CDH8: variants seen among roughly 807,000 people sequenced by gnomAD.
CDH8 encodes cadherin 8, also known as cadherin-8.
CDH8 carries 17 observed loss-of-function variants against 68.1 expected under a neutral mutation model. That is an observed-to-expected ratio of 0.25 (90% CI 0.17 to 0.37). CDH8 has a LOEUF of 0.37. Ranked by LOEUF, CDH8 falls within the 10% of genes least tolerant of loss-of-function variation. The probability of loss-of-function intolerance (pLI) is 1.00; values close to 1 mark genes in which losing one functional copy is unlikely to be tolerated. For synonymous variants in CDH8, 372 were observed against 365.1 expected, an observed-to-expected ratio of 1.02 and a Z score of -0.21; for missense variants, 763 against 999.3, an observed-to-expected ratio of 0.76 and a Z score of 3.19.
intron 2 of CDH8, among the ~76,000 whole-genome samples, chr16:61,968,479 A>G (rs928636564): frequency 2.0e-5 from 3 of 152,190 alleles, no homozygotes; most frequent in African/African-American, 7.2e-5. Context: ...CTGCAATCAC[A>G]ATCCTCTCCA....
At chr16:61,686,476 G>A (rs902049372) in intron 10 of CDH8, among the ~76,000 whole-genome samples, 3 of 151,796 alleles carry the variant, frequency 2.0e-5, no homozygotes, top group East Asian at 3.9e-4. Context: ...TGTTCAAGTG[G>A]TACTTTTTAA....
chr16:61,823,087 G>A (rs1962251579), intron 5 of CDH8, among the ~76,000 whole-genome samples: 2 of 151,892 alleles, frequency 1.3e-5, no homozygotes. Context: ...AAGAAATGGT[G>A]TTCTCCATTT....
intron 3 of CDH8, among the ~76,000 whole-genome samples, chr16:61,874,489 G>A (rs1399886551): frequency 2.0e-5 from 3 of 151,666 alleles, no homozygotes; most frequent in African/African-American, 4.8e-5. Context: ...CCACCACCAC[G>A]CCCAGCTAAT....
intron 3 of CDH8, among the ~76,000 whole-genome samples, chr16:61,868,491 G>A (rs935447290): frequency 6.6e-5 from 10 of 152,052 alleles, no homozygotes; most frequent in Admixed American, 6.6e-4. Context: ...ACTCTTAAAA[G>A]GGTAGTCATG....
intron 2 of CDH8, among the ~76,000 whole-genome samples, chr16:61,984,389 T>G (rs372833067): frequency 1.2e-4 from 18 of 152,036 alleles, no homozygotes; most frequent in African/African-American, 4.3e-4. Flanking sequence ...GTGAGTTGAG[T>G]ATTTTTTTGT....
intron 10 of CDH8, among the ~76,000 whole-genome samples, chr16:61,665,588 T>G (rs8057048): frequency 0.011 from 1,646 of 151,970 alleles, 18 homozygotes; most frequent in Middle Eastern, 0.082. Flanking sequence ...GGTTGATGGG[T>G]GCAGCAAACC....
intron 6 of CDH8, among the ~76,000 whole-genome samples, chr16:61,818,582 T>G (rs970241749): frequency 6.6e-6 from 1 of 152,176 alleles, no homozygotes; most frequent in East Asian, 1.9e-4. Flanking sequence ...TCTGAGAGAC[T>G]TTGGTCAATG....
intron 10 of CDH8, among the ~76,000 whole-genome samples, chr16:61,705,384 T>G (rs1051957939): frequency 6.6e-6 from 1 of 152,144 alleles, no homozygotes; most frequent in Non-Finnish European, 1.5e-5. Flanking sequence ...GTATGAAAAG[T>G]ATAATGGTTT....
At chr16:61,910,042 A>G (rs914726113) in intron 2 of CDH8, among the ~76,000 whole-genome samples, 3 of 152,114 alleles carry the variant, frequency 2.0e-5, no homozygotes, top group Admixed American at 1.3e-4. Context: ...CACAAATCTC[A>G]TTTTTTTATA....
chr16:61,944,015 T>C (rs75478570), intron 2 of CDH8, among the ~76,000 whole-genome samples: 17,037 of 152,206 alleles, frequency 0.11, 1,223 homozygotes, highest in East Asian at 0.29. Context: ...TGGTAATAAC[T>C]GGATCCTTTT....
intron 2 of CDH8, among the ~76,000 whole-genome samples, chr16:61,924,637 T>C (rs991100709): frequency 1.3e-5 from 2 of 152,120 alleles, no homozygotes; most frequent in African/African-American, 4.8e-5. Flanking sequence ...ATCTTGGTGA[T>C]TGATGGAACA....
At chr16:61,747,817 A>C (rs2142939721) in intron 8 of CDH8, among the ~76,000 whole-genome samples, 1 of 152,228 alleles carries the variant, frequency 6.6e-6, no homozygotes, top group African/African-American at 2.4e-5. Flanking sequence ...ACTGTAACTA[A>C]AAATGCTAAG....
At chr16:61,784,890 T>A (rs982854494) in intron 8 of CDH8, among the ~76,000 whole-genome samples, 71 of 152,098 alleles carry the variant, frequency 4.7e-4, no homozygotes, top group Middle Eastern at 6.8e-3. Flanking sequence ...TAAAACCAAC[T>A]AGAACAAAGA....
intron 2 of CDH8, among the ~76,000 whole-genome samples, chr16:61,960,788 T>G (rs1217387626): frequency 1.3e-5 from 2 of 152,028 alleles, no homozygotes; most frequent in Non-Finnish European, 2.9e-5. Flanking sequence ...AACTGAAGAG[T>G]ATACTTCATC....
intron 2 of CDH8, among the ~76,000 whole-genome samples, chr16:61,978,014 C>T (rs1287653908): frequency 6.6e-6 from 1 of 152,132 alleles, no homozygotes; most frequent in Non-Finnish European, 1.5e-5. Flanking sequence ...GTGCCCAGTA[C>T]ATGAAATAGC....
chr16:61,816,516 G>A (rs1427876185), intron 7 of CDH8, among the ~76,000 whole-genome samples: 2 of 152,074 alleles, frequency 1.3e-5, no homozygotes, highest in African/African-American at 4.8e-5. Flanking sequence ...AAATCAGCTG[G>A]ACAATTCTTT....
intron 10 of CDH8, among the ~76,000 whole-genome samples, chr16:61,680,728 A>G (rs1321007759): frequency 6.6e-6 from 1 of 151,948 alleles, no homozygotes; most frequent in Non-Finnish European, 1.5e-5. Context: ...TTCTGCCACT[A>G]TAGATCCCAT....
chr16:61,875,894 C>T (rs1352553580), intron 3 of CDH8, among the ~76,000 whole-genome samples: 1 of 152,020 alleles, frequency 6.6e-6, no homozygotes, highest in Non-Finnish European at 1.5e-5. Flanking sequence ...CCTCCACCCC[C>T]AAGATGGAGT....
intron 7 of CDH8, among the ~76,000 whole-genome samples, chr16:61,793,965 T>A (rs925997670): frequency 1.1e-4 from 17 of 152,082 alleles, no homozygotes; most frequent in Admixed American, 9.2e-4. Context: ...CAAAACAGAA[T>A]ATAACAAGTG....
Sources: gnomAD v4.1 joint callset for allele counts (sites outside exome capture counted in the v4.1 genomes callset) on GRCh38, gnomAD v4.1.1 for gene constraint, MANE v1.5 for transcripts, NCBI Gene and HGNC (gene_info 2026-07-23, HGNC 2026-07-21) for gene names.